The following ACTR3 variants were observed in gnomAD, a reference collection of about 807,000 sequenced individuals.
The protein encoded by ACTR3 is actin related protein 3.
A neutral mutation model predicts 56.8 loss-of-function variants in ACTR3; 12 were observed. That is an observed-to-expected ratio of 0.21 (90% CI 0.14 to 0.34). The LOEUF (loss-of-function observed/expected upper bound fraction) is 0.34. Ranked by LOEUF, ACTR3 falls within the 10% of genes least tolerant of loss-of-function variation. ACTR3 has a pLI of 1.00. For missense variants in ACTR3, 282 were observed against 512.5 expected, an observed-to-expected ratio of 0.55 and a Z score of 4.34; for synonymous variants, 162 against 167.4, an observed-to-expected ratio of 0.97 and a Z score of 0.25.
chr2:113,939,212 C>T (rs940137855), intron 6 of ACTR3, among the ~76,000 whole-genome samples: 9 of 151,834 alleles, frequency 5.9e-5, no homozygotes, highest in East Asian at 5.8e-4. Flanking sequence ...TTAGTAGAGA[C>T]GGGGTTTCAC....
chr2:113,898,565 T>C (rs1055591555), intron 1 of ACTR3, among the ~76,000 whole-genome samples: 2 of 152,206 alleles, frequency 1.3e-5, no homozygotes, highest in Admixed American at 6.5e-5. Flanking sequence ...CTTCAGTGTT[T>C]CGTTGTAATG....
intron 3 of ACTR3, among the ~76,000 whole-genome samples, chr2:113,921,917 T>C (rs1306432808): frequency 6.6e-6 from 1 of 152,094 alleles, no homozygotes; most frequent in Non-Finnish European, 1.5e-5. Flanking sequence ...CAGAGCAGTG[T>C]GCCAGTTAGG....
At chr2:113,941,414 A>G (rs17269808) in intron 7 of ACTR3, among the ~76,000 whole-genome samples, 44,037 of 152,066 alleles carry the variant, frequency 0.29, 8,006 homozygotes, top group Middle Eastern at 0.44. Flanking sequence ...GGTTTGGAGA[A>G]GACCTCAAAT....
intron 5 of ACTR3, chr2:113,933,898 T>G (rs1055677371): frequency 1.2e-5 from 2 of 168,434 alleles, no homozygotes; most frequent in Admixed American, 6.5e-5. Context: ...GCCAGGAAGG[T>G]CTCGATCTCC....
intron 1 of ACTR3, among the ~76,000 whole-genome samples, chr2:113,895,497 C>CCCG (rs1017158899): frequency 4.6e-5 from 7 of 152,116 alleles, no homozygotes; most frequent in South Asian, 2.1e-4. Context: ...AGAAACACCC[C>CCCG]ATACCCAGTG....
intron 1 of ACTR3, among the ~76,000 whole-genome samples, chr2:113,896,248 TATA>T (rs1679005755): frequency 6.6e-6 from 1 of 152,228 alleles, no homozygotes; most frequent in Non-Finnish European, 1.5e-5. Flanking sequence ...ATATTTTAAA[TATA>T]ATAATTGGTT....
intron 3 of ACTR3, among the ~76,000 whole-genome samples, chr2:113,917,745 G>A (rs981977833): frequency 1.3e-5 from 2 of 152,120 alleles, no homozygotes; most frequent in Non-Finnish European, 2.9e-5. Flanking sequence ...TGTATCGTGA[G>A]TAAAATGGTG....
intron 11 of ACTR3, among the ~76,000 whole-genome samples, chr2:113,956,780 A>G (rs1023140514): frequency 2.6e-5 from 4 of 152,204 alleles, no homozygotes; most frequent in African/African-American, 9.6e-5. Flanking sequence ...ACCATTTCCA[A>G]CATAAGAGGT....
At chr2:113,941,222 G>C (rs1289013129) in intron 7 of ACTR3, among the ~76,000 whole-genome samples, 1 of 152,062 alleles carries the variant, frequency 6.6e-6, no homozygotes, top group Non-Finnish European at 1.5e-5. Context: ...CCAAGTTGGT[G>C]GCATAAGAAT....
chr2:113,933,239 A>T (rs537224673), intron 5 of ACTR3, among the ~76,000 whole-genome samples: 117 of 152,298 alleles, frequency 7.7e-4, no homozygotes, highest in Non-Finnish European at 1.5e-3. Context: ...GGCCTGGCAC[A>T]GTGGCTCATG....
At chr2:113,952,073 A>C in intron 10 of ACTR3, 1 of 509,144 alleles carries the variant, frequency 2.0e-6, no homozygotes, top group South Asian at 4.0e-5. Flanking sequence ...TACCTGTGGA[A>C]AGACTTTTTT....
chr2:113,946,243 T>C (rs563330682), intron 8 of ACTR3, among the ~76,000 whole-genome samples: 2 of 152,324 alleles, frequency 1.3e-5, no homozygotes, highest in East Asian at 1.9e-4. Context: ...ACACCTAATA[T>C]ACACCAAGAG....
chr2:113,957,055 CAACAG>C (rs898926903), intron 11 of ACTR3, among the ~76,000 whole-genome samples: 18 of 152,174 alleles, frequency 1.2e-4, no homozygotes, highest in African/African-American at 4.3e-4. Flanking sequence ...GGGAAAGTCT[CAACAG>C]AACAGACTGG....
At chr2:113,899,207 G>A (rs1282132646) in intron 1 of ACTR3, among the ~76,000 whole-genome samples, 1 of 151,946 alleles carries the variant, frequency 6.6e-6, no homozygotes. Context: ...ATAAATTCAG[G>A]GCAGCTCAAG....
rs991994182 is a variant in ACTR3, at chr2:113,951,506, A to G, written c.886A>G (p.Ile296Val). 7.4e-6 allele frequency: 12 copies of G among 1,612,512 alleles called. No individual in the cohort carries two copies. The highest frequency in any genetic ancestry group is 6.7e-5 in the African/African-American group (5 of 74,872). ...TGCTAATCCAGACTTTACACAACCT[A>G]TCTCAGAAGTTGTAGATGAAGTAAT... The part of the protein sequence containing the change: ...EFANPDFTQP[I>V]SEVVDEVIQN... Residue 296 changes from isoleucine (I) to valine (V), a missense_variant, in exon 9 of 12, where the codon ATC (isoleucine) becomes GTC (valine). Coordinates refer to ENST00000263238, the MANE Select transcript of ACTR3 (RefSeq NM_005721.5).
intron 8 of ACTR3, among the ~76,000 whole-genome samples, chr2:113,948,600 A>C (rs1162614720): frequency 6.6e-6 from 1 of 152,134 alleles, no homozygotes; most frequent in Non-Finnish European, 1.5e-5. Context: ...TTCAGTGCTT[A>C]TGTTTTTGTG....
intron 11 of ACTR3, 40 bp downstream of exon 11, chr2:113,955,746 T>C: frequency 1.3e-6 from 2 of 1,483,040 alleles, no homozygotes; most frequent in Non-Finnish European, 1.9e-6. Context: ...ATTTTATCAT[T>C]ATTATTTTAT....
chr2:113,940,206 G>T, intron 7 of ACTR3, 104 bp downstream of exon 7: 2 of 1,004,018 alleles, frequency 2.0e-6, no homozygotes, highest in Non-Finnish European at 1.4e-6. Flanking sequence ...AAATAATCTT[G>T]TTAACCAGTT....
At chr2:113,952,496 A>C (rs1317132960) in intron 10 of ACTR3, 1 of 152,158 alleles carries the variant, frequency 6.6e-6, no homozygotes, top group African/African-American at 2.4e-5. Context: ...GTTTGAAAAA[A>C]GGTATTTCAT....
Sources: allele counts gnomAD v4.1 joint callset (sites outside exome capture counted in the v4.1 genomes callset), GRCh38; gene constraint gnomAD v4.1.1; transcripts MANE v1.5; gene names NCBI Gene and HGNC (gene_info 2026-07-23, HGNC 2026-07-21).